Variants in MAF observed in about 807,000 individuals in gnomAD.
MAF encodes the protein MAF bZIP transcription factor.
In MAF, 10 loss-of-function variants were observed where a neutral mutation model predicts 22.0. That is an observed-to-expected ratio of 0.45 (90% CI 0.28 to 0.77). The LOEUF (loss-of-function observed/expected upper bound fraction) is 0.77, where lower values mean the gene tolerates loss of function less well. Among genes scored for constraint, MAF ranks in the 30% least tolerant of loss-of-function variants. The probability of loss-of-function intolerance (pLI) is 0.12; values close to 1 mark genes in which losing one functional copy is unlikely to be tolerated. For missense variants in MAF, 544 were observed against 548.4 expected, an observed-to-expected ratio of 0.99 and a Z score of 0.08; for synonymous variants, 337 against 255.8, an observed-to-expected ratio of 1.32 and a Z score of -3.03.
the MAF span, among the ~76,000 whole-genome samples, chr16:79,538,994 G>A: frequency 6.6e-6 from 1 of 151,950 alleles, no homozygotes; most frequent in Non-Finnish European, 1.5e-5. Context: ...CATGGAAGGA[G>A]GAACAAAAAC....
the MAF span, among the ~76,000 whole-genome samples, chr16:79,437,136 C>CTG: frequency 7.7e-5 from 11 of 142,628 alleles, no homozygotes; most frequent in African/African-American, 3.0e-4. Flanking sequence ...GGAGAAAGCT[C>CTG]TCTCTCTCTC....
the MAF span, among the ~76,000 whole-genome samples, chr16:79,397,615 A>C: frequency 6.6e-6 from 1 of 152,312 alleles, no homozygotes; most frequent in Non-Finnish European, 1.5e-5. Context: ...GGTTGCATAG[A>C]TGATGGACCA....
At chr16:79,216,709 T>A in the MAF span, among the ~76,000 whole-genome samples, 1 of 152,138 alleles carries the variant, frequency 6.6e-6, no homozygotes, top group African/African-American at 2.4e-5. Context: ...TTACTATGGG[T>A]TTAGACGGTA....
the MAF span, among the ~76,000 whole-genome samples, chr16:79,215,863 AT>A: frequency 1.1e-3 from 172 of 152,280 alleles, no homozygotes; most frequent in Middle Eastern, 6.8e-3. Flanking sequence ...ATCAGAAGTT[AT>A]CTACGTTACT....
At chr16:79,219,935 T>G in the MAF span, among the ~76,000 whole-genome samples, 1 of 152,212 alleles carries the variant, frequency 6.6e-6, no homozygotes, top group South Asian at 2.1e-4. Flanking sequence ...TAAATAGAGT[T>G]AATCTTGGAA....
chr16:79,372,212 A>C, the MAF span, among the ~76,000 whole-genome samples: 2 of 152,082 alleles, frequency 1.3e-5, no homozygotes. Flanking sequence ...AGCCCAGGTC[A>C]CAGAATTAGT....
the MAF span, among the ~76,000 whole-genome samples, chr16:79,345,206 T>A: frequency 0.31 from 47,186 of 151,864 alleles, 8,717 homozygotes; most frequent in Non-Finnish European, 0.42. Context: ...GTACATTATA[T>A]ATTACTTGAT....
the MAF span, among the ~76,000 whole-genome samples, chr16:79,303,400 T>G: frequency 6.6e-6 from 1 of 152,236 alleles, no homozygotes; most frequent in Non-Finnish European, 1.5e-5. Context: ...CACTGCCTAC[T>G]TCTTCAAAGA....
At chr16:79,319,572 C>T in the MAF span, among the ~76,000 whole-genome samples, 1 of 152,132 alleles carries the variant, frequency 6.6e-6, no homozygotes, top group Non-Finnish European at 1.5e-5. Context: ...TGGAAAGGGG[C>T]TGGGGGGACA....
chr16:79,374,161 T>C, the MAF span, among the ~76,000 whole-genome samples: 1 of 152,230 alleles, frequency 6.6e-6, no homozygotes, highest in Non-Finnish European at 1.5e-5. Flanking sequence ...GCAATCCCGG[T>C]TGGTGCTTAC....
At chr16:79,372,043 T>C in the MAF span, among the ~76,000 whole-genome samples, 205 of 146,934 alleles carry the variant, frequency 1.4e-3, 1 homozygote, top group Non-Finnish European at 2.7e-3. Context: ...AGTTTCAATA[T>C]ATATTGGTTA....
the MAF span, among the ~76,000 whole-genome samples, chr16:79,404,250 G>A: frequency 4.9e-5 from 7 of 142,244 alleles, no homozygotes; most frequent in South Asian, 2.4e-4. Flanking sequence ...TGCAACCTCC[G>A]CCTCCCGGGT....
At chr16:79,333,816 G>C in the MAF span, among the ~76,000 whole-genome samples, 1 of 152,076 alleles carries the variant, frequency 6.6e-6, no homozygotes. Context: ...ATCTCACCTG[G>C]ATCTGGTAAT....
At chr16:79,545,297 G>C in the MAF span, among the ~76,000 whole-genome samples, 5 of 152,174 alleles carry the variant, frequency 3.3e-5, no homozygotes, top group African/African-American at 1.2e-4. Flanking sequence ...CAGTGTCTGT[G>C]TACTGAGTGA....
chr16:79,209,654 C>G, the MAF span, among the ~76,000 whole-genome samples: 1 of 152,144 alleles, frequency 6.6e-6, no homozygotes, highest in Non-Finnish European at 1.5e-5. Flanking sequence ...GAAGTTGATA[C>G]AAAACACCAT....
the MAF span, among the ~76,000 whole-genome samples, chr16:79,222,734 G>C: frequency 6.6e-6 from 1 of 152,116 alleles, no homozygotes; most frequent in African/African-American, 2.4e-5. Context: ...CCTAGTCTCT[G>C]ATAAAACAGT....
the MAF span, among the ~76,000 whole-genome samples, chr16:79,528,885 C>A: frequency 1.3e-5 from 2 of 152,236 alleles, no homozygotes; most frequent in South Asian, 4.2e-4. Context: ...AATGTGCCTT[C>A]CCTTTCGTCC....
chr16:79,260,977 T>C, the MAF span, among the ~76,000 whole-genome samples: 1 of 151,872 alleles, frequency 6.6e-6, no homozygotes, highest in East Asian at 1.9e-4. Context: ...GGGGTGTAGG[T>C]CAGGGTACAG....
the MAF span, among the ~76,000 whole-genome samples, chr16:79,377,167 A>G: frequency 6.6e-6 from 1 of 152,158 alleles, no homozygotes; most frequent in Non-Finnish European, 1.5e-5. Flanking sequence ...CTATTTCTCC[A>G]CATCCTCTCC....
Sources: allele counts gnomAD v4.1 joint callset (sites outside exome capture counted in the v4.1 genomes callset), GRCh38; gene constraint gnomAD v4.1.1; transcripts MANE v1.5; gene names NCBI Gene and HGNC (gene_info 2026-07-23, HGNC 2026-07-21).